The following ERBB4 variants were observed in gnomAD, a reference collection of about 807,000 sequenced individuals.
The protein encoded by ERBB4 is receptor tyrosine-protein kinase erbB-4.
Under a neutral mutation model 158.0 loss-of-function variants are expected in ERBB4, and 42 were observed. The observed-to-expected ratio is 0.27, with a 90% CI of 0.21 to 0.34. The LOEUF is 0.34. ERBB4 is among the 10% of genes least tolerant of loss of function. The pLI is 1.00. For missense variants in ERBB4, 1,333 were observed against 1,624.1 expected, an observed-to-expected ratio of 0.82 and a Z score of 3.08; for synonymous variants, 583 against 558.7, an observed-to-expected ratio of 1.04 and a Z score of -0.61.
At chr2:212,118,808 T>C (rs1179520959) in intron 2 of ERBB4, among the ~76,000 whole-genome samples, 1 of 152,020 alleles carries the variant, frequency 6.6e-6, no homozygotes, top group Non-Finnish European at 1.5e-5. Context: ...TAAAAGCAAA[T>C]TATGTTTTTC....
chr2:211,617,272 A>G lies in ERBB4; in HGVS notation c.2301+1905T>C, dbSNP rs9789703. On this transcript the variant is annotated intron_variant, in intron 19 of 27. Coordinates refer to ENST00000342788, the MANE Select transcript of ERBB4 (RefSeq NM_005235.3). ...CTAGGCTGGCAAGATTTTTTCTACC[A>G]GTTTTATAAATTAACCTATACTGTT... 4.6e-5 allele frequency among the ~76,000 whole-genome samples: 7 copies of G among 152,150 alleles called. No individual in the cohort carries two copies. In the East Asian group the frequency reaches 9.7e-4, roughly 21 times the overall value.
chr2:212,356,840 GTAAAAA>G (rs2089481642), intron 1 of ERBB4, among the ~76,000 whole-genome samples: 1 of 151,770 alleles, frequency 6.6e-6, no homozygotes, highest in African/African-American at 2.4e-5. Context: ...GTGAAATAAA[GTAAAAA>G]TAAATTTCTT....
chr2:212,009,653 A>C (rs1157489330), intron 2 of ERBB4, among the ~76,000 whole-genome samples: 2 of 152,196 alleles, frequency 1.3e-5, no homozygotes, highest in African/African-American at 4.8e-5. Context: ...TGAGAGAGTT[A>C]CTTAAATGAG....
At chr2:212,537,653 G>A (rs952885419) in intron 1 of ERBB4, among the ~76,000 whole-genome samples, 6 of 152,092 alleles carry the variant, frequency 3.9e-5, no homozygotes, top group Admixed American at 2.0e-4. Context: ...GAAGGACTCC[G>A]GCCAATAGCA....
intron 5 of ERBB4, 54 bp downstream of exon 5, chr2:211,750,585 A>G: frequency 1.4e-6 from 2 of 1,446,884 alleles, no homozygotes; most frequent in African/African-American, 1.4e-5. Flanking sequence ...TGGACCAATC[A>G]TTAAAATTCC....
intron 4 of ERBB4, among the ~76,000 whole-genome samples, chr2:211,760,713 C>G (rs79578845): frequency 6.6e-6 from 1 of 152,078 alleles, no homozygotes; most frequent in East Asian, 1.9e-4. Context: ...AATGTTTATC[C>G]TAAAAATGGA....
chr2:212,240,665 A>AAAAAAAAAAAAAAAAAAAAC (rs1559823350), intron 1 of ERBB4, among the ~76,000 whole-genome samples: 9 of 145,898 alleles, frequency 6.2e-5, no homozygotes, highest in African/African-American at 2.4e-4. Context: ...AAAAAAAAAA[A>AAAAAAAAAAAAAAAAAAAAC]AACAGAAAAA....
chr2:212,411,259 G>A (rs16848504), intron 1 of ERBB4, among the ~76,000 whole-genome samples: 3,172 of 152,020 alleles, frequency 0.021, 121 homozygotes, highest in African/African-American at 0.072. Context: ...CCATAACCAC[G>A]AAACAGGCTA....
chr2:211,428,614 A>T, intron 21 of ERBB4, 131 bp from the exon 22 acceptor site: 1 of 496,124 alleles, frequency 2.0e-6, no homozygotes, highest in Non-Finnish European at 3.6e-6. Context: ...ATATAACTAT[A>T]ACTATAAATA....
At chr2:212,335,501 A>C (rs1271670460) in intron 1 of ERBB4, among the ~76,000 whole-genome samples, 3 of 152,002 alleles carry the variant, frequency 2.0e-5, no homozygotes, top group Non-Finnish European at 4.4e-5. Flanking sequence ...AGAGTGAAAT[A>C]AAAATTATGT....
intron 1 of ERBB4, among the ~76,000 whole-genome samples, chr2:212,513,885 T>G (rs1691673343): frequency 6.6e-6 from 1 of 152,162 alleles, no homozygotes; most frequent in South Asian, 2.1e-4. Flanking sequence ...AAGTCCCAAA[T>G]CTGAAACTTG....
At chr2:212,427,673 A>C (rs1240401082) in intron 1 of ERBB4, among the ~76,000 whole-genome samples, 1 of 152,176 alleles carries the variant, frequency 6.6e-6, no homozygotes, top group Non-Finnish European at 1.5e-5. Flanking sequence ...GAAACTAGCA[A>C]TAATTTGAGT....
intron 2 of ERBB4, among the ~76,000 whole-genome samples, chr2:211,977,283 A>G (rs2125219855): frequency 6.6e-6 from 1 of 152,266 alleles, no homozygotes; most frequent in Admixed American, 6.5e-5. Context: ...TTCCAGCTAT[A>G]AGAATATGTC....
At chr2:211,543,710 T>C (rs1380942791) in intron 20 of ERBB4, among the ~76,000 whole-genome samples, 4 of 151,920 alleles carry the variant, frequency 2.6e-5, no homozygotes, top group Admixed American at 1.3e-4. Flanking sequence ...AGCCAAGTAA[T>C]AAACCTGGAA....
chr2:212,123,539 T>C (rs937022337), intron 2 of ERBB4, among the ~76,000 whole-genome samples: 4 of 152,212 alleles, frequency 2.6e-5, no homozygotes, highest in African/African-American at 9.6e-5. Context: ...ATTATTAAAA[T>C]CTTTTGACAC....
intron 2 of ERBB4, among the ~76,000 whole-genome samples, chr2:212,045,433 G>C (rs530518422): frequency 6.6e-6 from 1 of 152,280 alleles, no homozygotes; most frequent in African/African-American, 2.4e-5. Context: ...ACTCCAGCCT[G>C]GGCAATAGAG....
chr2:211,624,646 A>G (rs2069767338), intron 17 of ERBB4, among the ~76,000 whole-genome samples: 1 of 152,214 alleles, frequency 6.6e-6, no homozygotes, highest in South Asian at 2.1e-4. Flanking sequence ...CTAAAATTCT[A>G]TGATTTGATT....
intron 11 of ERBB4, among the ~76,000 whole-genome samples, chr2:211,703,867 T>A (rs1226406816): frequency 6.6e-6 from 1 of 152,186 alleles, no homozygotes; most frequent in African/African-American, 2.4e-5. Context: ...CCCTCCATAC[T>A]TGCAAAATAC....
intron 5 of ERBB4, among the ~76,000 whole-genome samples, chr2:211,738,519 T>C (rs2074684142): frequency 6.6e-6 from 1 of 151,826 alleles, no homozygotes; most frequent in Non-Finnish European, 1.5e-5. Flanking sequence ...CAGGTGTCTC[T>C]GCCACCACAC....
Sources: allele counts gnomAD v4.1 joint callset (sites outside exome capture counted in the v4.1 genomes callset), GRCh38; gene constraint gnomAD v4.1.1; transcripts MANE v1.5; gene names NCBI Gene and HGNC (gene_info 2026-07-23, HGNC 2026-07-21).